Variants in FAM110A observed in about 807,000 individuals in gnomAD.
The protein encoded by FAM110A is family with sequence similarity 110 member A, also known as protein FAM110A.
Under a neutral mutation model 4.0 loss-of-function variants are expected in FAM110A, and 1 was observed. The observed-to-expected ratio is 0.25, with a 90% CI of 0.09 to 1.20. FAM110A has a LOEUF of 1.20. FAM110A is among the 50% of genes most tolerant of loss of function. The probability of loss-of-function intolerance (pLI) is 0.50; values close to 1 mark genes in which losing one functional copy is unlikely to be tolerated. For synonymous variants in FAM110A, 217 were observed against 196.8 expected, an observed-to-expected ratio of 1.10 and a Z score of -0.86; for missense variants, 436 against 429.2, an observed-to-expected ratio of 1.02 and a Z score of -0.14.
chr20:839,213 C>G (rs1157059137), intron 1 of FAM110A, among the ~76,000 whole-genome samples: 1 of 152,108 alleles, frequency 6.6e-6, no homozygotes, highest in African/African-American at 2.4e-5. Flanking sequence ...CTGGCTCTAC[C>G]ATTAATCAGC....
Position 845,854 on chromosome 20 carries a change from G to A in FAM110A, c.*162G>A, listed in dbSNP as rs558953126. 7.6e-5 allele frequency: 108 copies of A among 1,415,224 alleles called. No individual in the cohort carries two copies. The highest frequency in any genetic ancestry group is 9.9e-5 in the Non-Finnish European group (106 of 1,067,264). The allele number at this position is 1,415,224 out of a possible 1,614,324, so 87.7% of individuals were successfully genotyped here. On this transcript the variant is annotated 3_prime_UTR_variant, in exon 2 of 2. Transcript: ENST00000381941. ...TTAGAGGCTGGACCAGCATTGTTGG[G>A]CAAGGACTGACTCTCCAAGGGTTTT...
chr20:840,147 C>T lies in FAM110A; in HGVS notation c.-97-4561C>T, dbSNP rs963701139. ...CCGTGGAGGGCTAGGCAGGGCTCAG[C>T]AGGCCATTTGGAGGATGAAGGACTT... On this transcript the variant is annotated intron_variant, in intron 1 of 1. Transcript: ENST00000381941. The surrounding 1 kb of genome is among the most constrained non-coding windows in gnomAD (Gnocchi z 4.4). Among the ~76,000 whole-genome samples the T allele has an allele frequency of 6.6e-6, 1 of 152,194 alleles. No homozygotes were observed. Among genetic ancestry groups the T allele is most frequent in the African/African-American group, 2.4e-5 (1 of 41,450 alleles).
rs1412387075 is a variant in FAM110A, at chr20:845,298, G to A, written c.494G>A (p.Arg165Gln). 6.6e-7 allele frequency: 1 copy of A among 1,523,668 alleles called. No individual in the cohort carries two copies. Among genetic ancestry groups the A allele is most frequent in the African/African-American group, 1.4e-5 (1 of 70,952 alleles). 94.4% of individuals were successfully genotyped at this position (1,523,668 alleles called of 1,614,324 possible). A position where few individuals can be genotyped will look rare whatever the true frequency, so the allele number is the denominator to read the frequency against. Residue 165 changes from arginine (R) to glutamine (Q), a missense_variant, in exon 2 of 2, where the codon CGG becomes CAG. Arg to Gln is a conservative substitution (Grantham distance 43, BLOSUM62 1). Transcript: ENST00000381941. ...CGCCCCCTGCCCGCCTCGCCTGCCC[G>A]GCCCTGCCCATCACCCGGCCCTGCC... is the stretch of plus-strand genomic sequence containing the variant. ...DVRPLPASPA[R>Q]PCPSPGPAAA...
rs1479779616 is a variant in FAM110A at position 835,196 on chromosome 20, C to CTATA, written c.-98+1246_-98+1247insATAT. 7.4e-3 allele frequency among the ~76,000 whole-genome samples: 925 copies of CTATA among 125,370 alleles called. 7 individuals are homozygous for CTATA. Among genetic ancestry groups the CTATA allele is most frequent in the Non-Finnish European group, 0.011 (622 of 56,472 alleles). 82.2% of individuals were successfully genotyped at this position (125,370 alleles called of 152,430 possible). A position where few individuals can be genotyped will look rare whatever the true frequency, so the allele number is the denominator to read the frequency against. On this transcript the variant is annotated intron_variant, in intron 1 of 1. Transcript: ENST00000381941. ...TCTCTCTCTCTCTCTCTCTCTCTCT[C>CTATA]TCTCTATATATATATATACACACAC...
chr20:840,050 A>G lies in FAM110A; in HGVS notation c.-97-4658A>G. 1.2e-6 allele frequency: 1 copy of G among 819,600 alleles called. No homozygotes were observed. Among genetic ancestry groups the G allele is most frequent in the Non-Finnish European group, 2.0e-6 (1 of 494,658 alleles). The allele number at this position is 819,600 out of a possible 1,614,324, so 50.8% of individuals were successfully genotyped here. A position where few individuals can be genotyped will look rare whatever the true frequency, so the allele number is the denominator to read the frequency against. ...TCTTTTCTTTGCTATTACGAAAATCATTATTGTTGCTTTGCTGTTACTACT... is the reference window on the plus strand; with the variant it reads ...TCTTTTCTTTGCTATTACGAAAATCGTTATTGTTGCTTTGCTGTTACTACT... On this transcript the variant is annotated intron_variant, in intron 1 of 1. Coordinates refer to ENST00000381941, the MANE Select transcript of FAM110A (RefSeq NM_001042353.3). The surrounding 1 kb of genome is among the most constrained non-coding windows in gnomAD (Gnocchi z 4.4).
intron 1 of FAM110A, among the ~76,000 whole-genome samples, chr20:843,225 A>C (rs969718366): frequency 6.6e-6 from 1 of 152,118 alleles, no homozygotes; most frequent in African/African-American, 2.4e-5. Flanking sequence ...CAGTTTCTCC[A>C]TCTGCACAAC....
chr20:839,919 A>G, intron 1 of FAM110A: 1 of 1,582,270 alleles, frequency 6.3e-7, no homozygotes, highest in East Asian at 2.2e-5. Flanking sequence ...GGCCACCATG[A>G]CTCCCTCCTT....
chr20:842,291 A>T (rs1568785621), intron 1 of FAM110A, among the ~76,000 whole-genome samples: 1 of 151,992 alleles, frequency 6.6e-6, no homozygotes, highest in Non-Finnish European at 1.5e-5. Context: ...GGGCCAGCAG[A>T]TGGGGCCAGA....
Position 845,077 on chromosome 20 carries a change from A to G in FAM110A, c.273A>G (p.Arg91=). The part of the protein sequence containing the change: ...TRRTVLTPSR[R]ALPGPCRRPQ... ...GCACAGTGCTCACGCCCAGCCGCCG[A>G]GCCCTGCCTGGCCCCTGCCGACGGC... Residue 91 remains arginine (R), a synonymous_variant, in exon 2 of 2, where the codon CGA becomes CGG. Coordinates refer to ENST00000381941, the MANE Select transcript of FAM110A (RefSeq NM_001042353.3). 1 of 1,597,768 alleles carries G rather than the reference A, an allele frequency of 6.3e-7. No homozygotes were observed. Among genetic ancestry groups the G allele is most frequent in the Non-Finnish European group, 8.5e-7 (1 of 1,173,478 alleles).
rs1006805715 is a variant in FAM110A at position 840,102 on chromosome 20, C to T, written c.-97-4606C>T. The T allele has an allele frequency of 4.1e-5, 27 of 658,846 alleles. No homozygotes were observed. The Admixed American group carries it at 5.6e-4, about 14-fold the overall frequency. The allele number at this position is 658,846 out of a possible 1,614,324, so 40.8% of individuals were successfully genotyped here. A position where few individuals can be genotyped will look rare whatever the true frequency, so the allele number is the denominator to read the frequency against. ...TTAGCGCCTGAAGGAGCCTTCCCTC[C>T]CCATCCCCCATTTCTGCCTCCGTGG... On this transcript the variant is annotated intron_variant, in intron 1 of 1. Coordinates refer to ENST00000381941, the MANE Select transcript of FAM110A (RefSeq NM_001042353.3). This position sits in a 1 kb window ranked among gnomAD's most constrained non-coding sequence, Gnocchi z 4.4.
intron 1 of FAM110A, chr20:839,662 G>A (rs1335941170): frequency 1.7e-6 from 2 of 1,205,610 alleles, no homozygotes; most frequent in East Asian, 2.3e-5. Flanking sequence ...CGGCTGCGGT[G>A]TAGGGTGGCA....
In FAM110A at chr20:845,611, G is replaced by A. The variant is rs1243423545; in HGVS notation, c.807G>A (p.Ser269=). 4 of 1,613,988 alleles carry A rather than the reference G, an allele frequency of 2.5e-6. No homozygotes were observed. The highest frequency in any genetic ancestry group is 2.7e-5 in the African/African-American group (2 of 74,936). The change falls in exon 2 of 2, where the codon TCG becomes TCA. Residue 269 remains serine, a synonymous_variant. Transcript: ENST00000381941. ...RARERVPYGV[S]VVERNARVIK... ...GGGAGCGCGTTCCCTATGGCGTGTC[G>A]GTGGTGGAGCGCAATGCCCGCGTGA...
intron 1 of FAM110A, among the ~76,000 whole-genome samples, chr20:843,288 C>G (rs6108045): frequency 1.3e-5 from 2 of 152,036 alleles, no homozygotes; most frequent in African/African-American, 4.8e-5. Flanking sequence ...GCAGAGATCC[C>G]TGCCTCCCCA....
chr20:845,639 A>G lies in FAM110A; in HGVS notation c.835A>G (p.Lys279Glu). 1 of 1,614,142 alleles carries G rather than the reference A, an allele frequency of 6.2e-7. No homozygotes were observed. Among genetic ancestry groups the G allele is most frequent in the Non-Finnish European group, 8.5e-7 (1 of 1,180,032 alleles). ...SVVERNARVI[K>E]WLYGLRQARE... ...GGTGGAGCGCAATGCCCGCGTGATC[A>G]AGTGGTTGTATGGGCTAAGGCAGGC... is the stretch of plus-strand genomic sequence containing the variant. Residue 279 changes from lysine (K) to glutamate (E), a missense_variant, in exon 2 of 2, where the codon AAG becomes GAG. Physicochemically the swap from Lys to Glu is moderately conservative, Grantham distance 56. Coordinates refer to ENST00000381941, the MANE Select transcript of FAM110A (RefSeq NM_001042353.3).
At chr20:838,838 G>A (rs1299985879) in intron 1 of FAM110A, among the ~76,000 whole-genome samples, 2 of 96,350 alleles carry the variant, frequency 2.1e-5, no homozygotes, top group African/African-American at 8.3e-5. Context: ...TTTTTTTTTT[G>A]AGACAGAGTC....
At position 837,712 on chromosome 20, in the gene FAM110A, T is replaced by A. The variant is rs377575529; in HGVS notation, c.-98+3761T>A. The stretch of plus-strand genomic sequence containing the variant: ...AGGGGGATGGAGTAGTGAAGACCAC[T>A]GCAGGCAGCAGAACCAGTGTGTGCA... On this transcript the variant is annotated intron_variant, in intron 1 of 1. Transcript: ENST00000381941. Among the ~76,000 whole-genome samples, 22 of 152,292 alleles carry A rather than the reference T, an allele frequency of 1.4e-4. 1 individual carries two copies. In the South Asian group the frequency reaches 4.4e-3, roughly 30 times the overall value.
Position 846,034 on chromosome 20 carries a change from T to C in FAM110A, c.*342T>C. 2 of 299,066 alleles carry C rather than the reference T, an allele frequency of 6.7e-6. No homozygotes were observed. Among genetic ancestry groups the C allele is most frequent in the Non-Finnish European group, 1.3e-5 (2 of 148,966 alleles). The allele number at this position is 299,066 out of a possible 1,614,324, so 18.5% of individuals were successfully genotyped here. A position where few individuals can be genotyped will look rare whatever the true frequency, so the allele number is the denominator to read the frequency against. ...GTGAGGGGCCAAGGGATCTCCTCAATCCTGTCTCCCCAGCGGCTCTGTTTC... is the reference window on the plus strand; with the variant it reads ...GTGAGGGGCCAAGGGATCTCCTCAACCCTGTCTCCCCAGCGGCTCTGTTTC... On this transcript the variant is annotated 3_prime_UTR_variant, in exon 2 of 2. Transcript: ENST00000381941.
chr20:842,352 G>A (rs1979977390), intron 1 of FAM110A, among the ~76,000 whole-genome samples: 1 of 152,196 alleles, frequency 6.6e-6, no homozygotes, highest in Admixed American at 6.5e-5. Flanking sequence ...CCCCGGCCCC[G>A]CCCGTCTGAC....
chr20:839,622 C>T, intron 1 of FAM110A: 2 of 1,133,964 alleles, frequency 1.8e-6, no homozygotes, highest in Admixed American at 1.7e-5. Flanking sequence ...ACCCTCCAGA[C>T]CTTTAGGCCG....
Sources: gnomAD v4.1 joint callset for allele counts (sites outside exome capture counted in the v4.1 genomes callset) on GRCh38, gnomAD v4.1.1 for gene constraint, Gnocchi (gnomAD v3.1) non-coding constraint, MANE v1.5 for transcripts, NCBI Gene and HGNC (gene_info 2026-07-23, HGNC 2026-07-21) for gene names.